CACNA1D: variants seen among roughly 807,000 people sequenced by gnomAD.
CACNA1D encodes voltage-dependent L-type calcium channel subunit alpha-1D.
CACNA1D carries 55 observed loss-of-function variants against 257.1 expected under a neutral mutation model. The observed-to-expected ratio is 0.21, with a 90% CI of 0.17 to 0.27. CACNA1D has a LOEUF of 0.27. Among genes scored for constraint, CACNA1D ranks in the 10% least tolerant of loss-of-function variants. CACNA1D has a pLI of 1.00. For synonymous variants in CACNA1D, 980 were observed against 1,014.9 expected (o/e 0.97, Z 0.65); for missense variants, 1,876 against 2,784.0 (o/e 0.67, Z 7.34).
At chr3:53,705,890 A>G (rs533357165) in intron 9 of CACNA1D, among the ~76,000 whole-genome samples, 1 of 152,308 alleles carries the variant, frequency 6.6e-6, no homozygotes, top group East Asian at 1.9e-4. Flanking sequence ...CCACACAAGG[A>G]GAGGGTTTCA....
At chr3:53,732,488 G>C (rs1156502229) in intron 18 of CACNA1D, among the ~76,000 whole-genome samples, 1 of 152,198 alleles carries the variant, frequency 6.6e-6, no homozygotes, top group Non-Finnish European at 1.5e-5. Flanking sequence ...TGAGCGAGGA[G>C]GTTACTGGGG....
chr3:53,502,855 A>G (rs992668778), intron 3 of CACNA1D, among the ~76,000 whole-genome samples: 1 of 152,180 alleles, frequency 6.6e-6, no homozygotes, highest in Non-Finnish European at 1.5e-5. Flanking sequence ...AGGGGAGCCC[A>G]TTCTGGATAA....
At chr3:53,579,428 C>G (rs779873307) in intron 3 of CACNA1D, among the ~76,000 whole-genome samples, 1 of 152,152 alleles carries the variant, frequency 6.6e-6, no homozygotes, top group African/African-American at 2.4e-5. Flanking sequence ...TATTATAGGG[C>G]ACCCCAGTTA....
chr3:53,697,877 A>G (rs2094586344), intron 8 of CACNA1D, among the ~76,000 whole-genome samples: 2 of 151,816 alleles, frequency 1.3e-5, no homozygotes, highest in Admixed American at 6.6e-5. Context: ...GCACTTCCTT[A>G]TTTTCTTCAT....
At position 53,548,373 on chromosome 3, in the gene CACNA1D, A is replaced by ATTTTTTTTTTTTTTTTT. The variant is rs1278474628; in HGVS notation, c.483+46653_483+46654insTTTTTTTTTTTTTTTTT. Reference sequence around the variant, plus strand: ...AAAGCTTTTTTTTTTTTTTTTTTTAAAAATTATCTTTAAAGAATCCATTTT... The same window carrying ATTTTTTTTTTTTTTTTT: ...AAAGCTTTTTTTTTTTTTTTTTTTAATTTTTTTTTTTTTTTTTAAATTATCTTTAAAGAATCCATTTT... On this transcript the variant is annotated intron_variant, in intron 3 of 47. Coordinates refer to ENST00000350061, the MANE Select transcript of CACNA1D (RefSeq NM_001128840.3). Among the ~76,000 whole-genome samples the ATTTTTTTTTTTTTTTTT allele has an allele frequency of 3.1e-5, 4 of 127,468 alleles. 1 individual carries two copies. Among genetic ancestry groups the ATTTTTTTTTTTTTTTTT allele is most frequent in the Non-Finnish European group, 1.6e-5 (1 of 61,544 alleles). The allele number at this position is 127,468 out of a possible 152,430, so 83.6% of individuals were successfully genotyped here.
chr3:53,781,891 A>G (rs1177754166), intron 39 of CACNA1D: 1 of 556,424 alleles, frequency 1.8e-6, no homozygotes, highest in East Asian at 3.1e-5. Context: ...ACCAAAACTC[A>G]CATGGCTGGA....
In CACNA1D at chr3:53,745,811, T is replaced by C; in HGVS notation, c.3115-12T>C. 3 of 1,612,972 alleles carry C rather than the reference T, an allele frequency of 1.9e-6. No individual in the cohort carries two copies. Among genetic ancestry groups the C allele is most frequent in the South Asian group, 2.2e-5 (2 of 91,062 alleles). ...CTGCATTTACTTAACTGCCTGTCTA[T>C]TTTATACCCAGGGGAAGTTCTATCG... On this transcript the variant is annotated splice_polypyrimidine_tract_variant and intron_variant, in intron 24 of 47. Transcript: ENST00000350061.
At position 53,735,443 on chromosome 3, in the gene CACNA1D, G is replaced by A. The variant is rs769247723; in HGVS notation, c.2691G>A (p.Met897Ile). 2 of 1,614,098 alleles carry A rather than the reference G, an allele frequency of 1.2e-6. No homozygotes were observed. Among genetic ancestry groups the A allele is most frequent in the Non-Finnish European group, 1.7e-6 (2 of 1,179,944 alleles). The change falls in exon 20 of 48, where the codon ATG becomes ATA. Residue 897 changes from methionine (M) to isoleucine (I), a missense_variant. Physicochemically the swap from Met to Ile is conservative, Grantham distance 10. This residue lies in a region of CACNA1D where 271 missense variants were observed against 425.5 expected (regional missense o/e 0.64). Transcript: ENST00000350061. ...IFTNLILVFI[M>I]LSSAALAAED... is the part of the protein sequence containing the mutation. Reference sequence around the variant, plus strand: ...CCAACCTCATCCTTGTCTTCATCATGCTGAGCAGCGCTGCCCTGGCCGCAG... The same window carrying A: ...CCAACCTCATCCTTGTCTTCATCATACTGAGCAGCGCTGCCCTGGCCGCAG...
rs73840113 is a variant in CACNA1D, at chr3:53,531,397, T to A, written c.483+29677T>A. 9.4e-3 allele frequency among the ~76,000 whole-genome samples: 1,425 copies of A among 152,326 alleles called. 19 individuals are homozygous for A. The highest frequency in any genetic ancestry group is 0.033 in the African/African-American group (1,362 of 41,572). On this transcript the variant is annotated intron_variant, in intron 3 of 47. Coordinates refer to ENST00000350061, the MANE Select transcript of CACNA1D (RefSeq NM_001128840.3). ...GAATAGAGACTTAAAAAAAATGACATTCTCACATAGGTTTTGGATATTTGG... is the reference window on the plus strand; with the variant it reads ...GAATAGAGACTTAAAAAAAATGACAATCTCACATAGGTTTTGGATATTTGG...
intron 3 of CACNA1D, among the ~76,000 whole-genome samples, chr3:53,538,141 GT>G (rs538996336): frequency 4.7e-3 from 424 of 90,426 alleles, no homozygotes; most frequent in South Asian, 7.9e-3. Flanking sequence ...AGTTTTTGAA[GT>G]TTTTTTTTTT....
At position 53,501,605 on chromosome 3, in the gene CACNA1D, A is replaced by AT; in HGVS notation, c.378-4dup. On this transcript the variant is annotated splice_polypyrimidine_tract_variant and intron_variant, in intron 2 of 47. Transcript: ENST00000350061. ...CCATAACACATATATACCTTAACAC[A>AT]TTTTTTCAGACCATTTGACATATTT... 2 of 1,447,606 alleles carry AT rather than the reference A, an allele frequency of 1.4e-6. No homozygotes were observed. Among genetic ancestry groups the AT allele is most frequent in the Non-Finnish European group, 1.9e-6 (2 of 1,030,342 alleles). 89.7% of individuals were successfully genotyped at this position (1,447,606 alleles called of 1,614,324 possible). A position where few individuals can be genotyped will look rare whatever the true frequency, so the allele number is the denominator to read the frequency against.
Position 53,804,981 on chromosome 3 carries a change from A to G in CACNA1D, c.5586-2A>G. The G allele has an allele frequency of 6.2e-7, 1 of 1,613,898 alleles. No homozygotes were observed. Among genetic ancestry groups the G allele is most frequent in the Non-Finnish European group, 8.5e-7 (1 of 1,179,818 alleles). On this transcript the variant is annotated splice_acceptor_variant, in intron 44 of 47. Transcript: ENST00000350061. LOFTEE classifies it high-confidence loss of function. The stretch of plus-strand genomic sequence containing the variant: ...CTTACTGCCCTCCTCTCTGACCTCC[A>G]GGCAAAACTATGGCTACTACAGCAG...
At chr3:53,597,563 C>G (rs1406482674) in intron 3 of CACNA1D, among the ~76,000 whole-genome samples, 1 of 152,222 alleles carries the variant, frequency 6.6e-6, no homozygotes, top group Non-Finnish European at 1.5e-5. Context: ...CCACTGCCAG[C>G]TGTTGTTAGG....
chr3:53,714,027 T>C (rs983452983), intron 9 of CACNA1D, among the ~76,000 whole-genome samples: 6 of 152,230 alleles, frequency 3.9e-5, no homozygotes, highest in African/African-American at 1.2e-4. Context: ...AGCAGGCAAA[T>C]TGCAGTGCCA....
At chr3:53,660,680 G>GA in intron 5 of CACNA1D, among the ~76,000 whole-genome samples, 1 of 150,100 alleles carries the variant, frequency 6.7e-6, no homozygotes, top group South Asian at 2.1e-4. Flanking sequence ...TTAGCTGCGT[G>GA]CCTTTTTTTT....
intron 3 of CACNA1D, among the ~76,000 whole-genome samples, chr3:53,644,785 G>A (rs529653469): frequency 2.6e-5 from 4 of 152,312 alleles, no homozygotes; most frequent in South Asian, 4.2e-4. Context: ...GAACATGGGC[G>A]TGGCAGACAT....
At chr3:53,753,765 G>T in intron 29 of CACNA1D, 83 bp downstream of exon 29, 1 of 838,282 alleles carries the variant, frequency 1.2e-6, no homozygotes. Context: ...TTGTGTTACT[G>T]AATTATGCTA....
At chr3:53,526,810 G>A (rs2091781985) in intron 3 of CACNA1D, among the ~76,000 whole-genome samples, 1 of 152,182 alleles carries the variant, frequency 6.6e-6, no homozygotes, top group South Asian at 2.1e-4. Context: ...AGTGATTTGA[G>A]TAAGGCATGG....
At chr3:53,545,684 G>C (rs74341612) in intron 3 of CACNA1D, among the ~76,000 whole-genome samples, 2,777 of 152,262 alleles carry the variant, frequency 0.018, 92 homozygotes, top group African/African-American at 0.062. Context: ...CAAAATCCCT[G>C]GTGGTTATCA....
Sources: gnomAD v4.1 joint callset for allele counts (sites outside exome capture counted in the v4.1 genomes callset) on GRCh38, gnomAD v4.1.1 for gene constraint, gnomAD v4.1.1 regional missense constraint, MANE v1.5 for transcripts, NCBI Gene and HGNC (gene_info 2026-07-23, HGNC 2026-07-21) for gene names.